KIF17: variants seen among roughly 807,000 people sequenced by gnomAD.
KIF17 encodes kinesin-like protein KIF17.
Under a neutral mutation model 96.8 loss-of-function variants are expected in KIF17, and 80 were observed. The ratio of observed to expected loss-of-function variants is 0.83; its 90% CI spans 0.69 to 1.00. The LOEUF (loss-of-function observed/expected upper bound fraction) is 1.00. KIF17 is among the 50% of genes least tolerant of loss of function. The pLI is 0.00. For synonymous variants in KIF17, 567 were observed against 587.5 expected, an observed-to-expected ratio of 0.97 and a Z score of 0.51; for missense variants, 1,280 against 1,372.9, an observed-to-expected ratio of 0.93 and a Z score of 1.07.
chr1:20,690,918 A>C (rs910022018), intron 6 of KIF17, among the ~76,000 whole-genome samples: 16 of 151,886 alleles, frequency 1.1e-4, no homozygotes, highest in Admixed American at 7.2e-4. Context: ...CGATCTCCTG[A>C]CCTCGTGATC....
At position 20,700,275 on chromosome 1, in the gene KIF17, T is replaced by C. The variant is rs971345237; in HGVS notation, c.1124-1787A>G. On this transcript the variant is annotated intron_variant, in intron 5 of 14. Transcript: ENST00000400463. This position sits in a 1 kb window ranked among gnomAD's most constrained non-coding sequence, Gnocchi z 4.6. ...TAGTAGAGATGGGGTTTCACTATGT[T>C]GGCCAGGCTGGTCTCCAACTCCTGA... is the stretch of plus-strand genomic sequence containing the variant. 1.3e-5 allele frequency among the ~76,000 whole-genome samples: 2 copies of C among 152,142 alleles called. No individual in the cohort carries two copies. The highest frequency in any genetic ancestry group is 2.9e-5 in the Non-Finnish European group (2 of 68,026).
At position 20,687,805 on chromosome 1, in the gene KIF17, C is replaced by T. The variant is rs41265077; in HGVS notation, c.1521G>A (p.Leu507=). 1.5e-4 allele frequency: 236 copies of T among 1,614,182 alleles called. No homozygotes were observed. Among genetic ancestry groups the T allele is most frequent in the Non-Finnish European group, 1.9e-4 (228 of 1,180,034 alleles). The change falls in exon 8 of 15, where the codon CTG becomes CTA. Residue 507 remains leucine (L), a synonymous_variant. Transcript: ENST00000400463. The surrounding 1 kb of genome is among the most constrained non-coding windows in gnomAD (Gnocchi z 4.4). ...GAGTCTTGGAGACATCGTCACTGGG[C>T]AGAGTGTCAGTCGTGGAGAAGACCT... The part of the protein sequence containing the change: ...KPKVFSTTDT[L]PSDDVSKTQV...
intron 11 of KIF17, among the ~76,000 whole-genome samples, chr1:20,673,244 A>C (rs935854290): frequency 6.6e-6 from 1 of 152,056 alleles, no homozygotes; most frequent in Admixed American, 6.6e-5. Context: ...TAGATAAATA[A>C]AAATAAAAGA....
At chr1:20,713,316 A>C (rs1488780606) in intron 3 of KIF17, 138 bp downstream of exon 3, 6 of 410,912 alleles carry the variant, frequency 1.5e-5, no homozygotes, top group Non-Finnish European at 2.1e-5. Context: ...TTTTTAATTA[A>C]AAAAAAAAAA....
intron 13 of KIF17, among the ~76,000 whole-genome samples, chr1:20,669,568 TA>T (rs375627294): frequency 1.6e-3 from 134 of 84,910 alleles, no homozygotes; most frequent in African/African-American, 4.2e-3. Flanking sequence ...TAATAATAAA[TA>T]AAATAAAATA....
chr1:20,662,675 T>C (rs2053457204), downstream of KIF17, among the ~76,000 whole-genome samples: 1 of 152,158 alleles, frequency 6.6e-6, no homozygotes, highest in Non-Finnish European at 1.5e-5. Context: ...CCCAAGGCTC[T>C]TTGCTCTCAG....
chr1:20,685,031 A>G lies in KIF17; in HGVS notation c.2020-11T>C. On this transcript the variant is annotated splice_polypyrimidine_tract_variant and intron_variant, in intron 9 of 14. Transcript: ENST00000400463. This position sits in a 1 kb window ranked among gnomAD's most constrained non-coding sequence, Gnocchi z 4.1. ...GGCCAGATCTACCTCCTGAGTGTGAAGAGAAACCCAGGTGGAGGTGGGAAG... is the reference window on the plus strand; with the variant it reads ...GGCCAGATCTACCTCCTGAGTGTGAGGAGAAACCCAGGTGGAGGTGGGAAG... 2 of 1,574,548 alleles carry G rather than the reference A, an allele frequency of 1.3e-6. No homozygotes were observed. The highest frequency in any genetic ancestry group is 1.2e-5 in the South Asian group (1 of 86,314).
At position 20,715,541 on chromosome 1, in the gene KIF17, C is replaced by T. The variant is rs765700210; in HGVS notation, c.330G>A (p.Gln110=). The change falls in exon 2 of 15, where the codon CAG becomes CAA. Residue 110 remains glutamine (Q), a synonymous_variant. Transcript: ENST00000400463. ...CGAAGGCCCTGGGGATGATGCCTCT[C>T]TGGGAGGGCGGATCCGGCAGGCCCT... ...TMQGLPDPPS[Q]RGIIPRAFEH... 7.4e-6 allele frequency: 12 copies of T among 1,613,706 alleles called. No individual in the cohort carries two copies. The highest frequency in any genetic ancestry group is 3.4e-6 in the Non-Finnish European group (4 of 1,180,044).
intron 6 of KIF17, among the ~76,000 whole-genome samples, chr1:20,697,055 G>T (rs2054154753): frequency 6.6e-6 from 1 of 152,208 alleles, no homozygotes; most frequent in African/African-American, 2.4e-5. Flanking sequence ...CACGTGCAGC[G>T]CCCGAGGCTC....
intron 14 of KIF17, 150 bp downstream of exon 14, chr1:20,666,064 G>T: frequency 2.7e-6 from 2 of 727,640 alleles, no homozygotes; most frequent in Middle Eastern, 2.4e-4. Context: ...CTAAGAAGTT[G>T]GTGTTACCCC....
At chr1:20,715,777 A>C in intron 1 of KIF17, 138 bp from the exon 2 acceptor site, 1 of 1,016,666 alleles carries the variant, frequency 9.8e-7, no homozygotes, top group East Asian at 2.6e-5. Context: ...GAGATAAACA[A>C]GGCGCAGCTC....
intron 6 of KIF17, among the ~76,000 whole-genome samples, chr1:20,696,720 G>C (rs1362225515): frequency 1.3e-5 from 2 of 151,922 alleles, no homozygotes; most frequent in African/African-American, 2.4e-5. Context: ...TCTGTGACCA[G>C]AGCCCCCCGG....
At chr1:20,702,804 CCT>C (rs1342880805) in intron 5 of KIF17, among the ~76,000 whole-genome samples, 1 of 152,250 alleles carries the variant, frequency 6.6e-6, no homozygotes, top group Non-Finnish European at 1.5e-5. Context: ...ACCATGCACT[CCT>C]CTCTGCCCTG....
At chr1:20,695,440 C>T (rs1489125739) in intron 6 of KIF17, among the ~76,000 whole-genome samples, 1 of 152,160 alleles carries the variant, frequency 6.6e-6, no homozygotes, top group Non-Finnish European at 1.5e-5. Flanking sequence ...CCGCCCGCCT[C>T]GGCCTCCCAA....
chr1:20,682,417 G>A (rs141516879), intron 11 of KIF17, among the ~76,000 whole-genome samples: 236 of 152,322 alleles, frequency 1.5e-3, no homozygotes, highest in African/African-American at 4.4e-3. Context: ...TCAGCTACTC[G>A]GGAGACTGAG....
In KIF17 at chr1:20,666,238, T is replaced by G; in HGVS notation, c.2884A>C (p.Ser962Arg). 1.2e-6 allele frequency: 2 copies of G among 1,614,036 alleles called. No individual in the cohort carries two copies. Among genetic ancestry groups the G allele is most frequent in the Non-Finnish European group, 1.7e-6 (2 of 1,179,844 alleles). The change falls in exon 14 of 15, where the codon AGC becomes CGC. Residue 962 changes from serine (S) to arginine (R), a missense_variant. Physicochemically the swap from Ser to Arg is moderately radical, Grantham distance 110. Transcript: ENST00000400463. ...CTGAGGCTCTTCCTGGCGTCTGTGCTGAGGATCTGGCTGGCCCGCTTAGAT... is the reference window on the plus strand; with the variant it reads ...CTGAGGCTCTTCCTGGCGTCTGTGCGGAGGATCTGGCTGGCCCGCTTAGAT... ...FRSKRASQIL[S>R]TDARKSLTHH...
At chr1:20,681,956 GC>G (rs2154535669) in intron 11 of KIF17, among the ~76,000 whole-genome samples, 1 of 152,276 alleles carries the variant, frequency 6.6e-6, no homozygotes, top group South Asian at 2.1e-4. Flanking sequence ...ATCAAGTTGT[GC>G]GTTTGTAATT....
chr1:20,709,581 G>C lies in KIF17; in HGVS notation c.670+58C>G. On this transcript the variant is annotated intron_variant, in intron 4 of 14. Transcript: ENST00000400463. The surrounding 1 kb of genome is among the most constrained non-coding windows in gnomAD (Gnocchi z 4.7). ...GCGGCCCCGAGAGGTGGCGTGCCTT[G>C]GCTAGTGGGAGTGGCTGGGTCATCT... 6.3e-7 allele frequency: 1 copy of C among 1,593,522 alleles called. No individual in the cohort carries two copies. Among genetic ancestry groups the C allele is most frequent in the South Asian group, 1.1e-5 (1 of 90,634 alleles).
At chr1:20,705,155 G>A (rs1466758775) in intron 4 of KIF17, among the ~76,000 whole-genome samples, 1 of 152,232 alleles carries the variant, frequency 6.6e-6, no homozygotes, top group African/African-American at 2.4e-5. Context: ...AGGGCAGGCT[G>A]TCTCCAGGAG....
Sources: allele counts gnomAD v4.1 joint callset (sites outside exome capture counted in the v4.1 genomes callset), GRCh38; gene constraint gnomAD v4.1.1; non-coding constraint Gnocchi (gnomAD v3.1); transcripts MANE v1.5; gene names NCBI Gene and HGNC (gene_info 2026-07-23, HGNC 2026-07-21).